Variants in SLC9A9 observed in about 807,000 individuals in gnomAD.
SLC9A9 encodes the protein sodium/hydrogen exchanger 9.
Under a neutral mutation model 77.8 loss-of-function variants are expected in SLC9A9, and 62 were observed. That is an observed-to-expected ratio of 0.80 (90% confidence interval 0.65 to 0.98). SLC9A9 has a LOEUF of 0.98. Ranked by LOEUF, SLC9A9 falls within the 50% of genes least tolerant of loss-of-function variation. The probability of loss-of-function intolerance (pLI) is 0.00; values close to 1 mark genes in which losing one functional copy is unlikely to be tolerated. For synonymous variants in SLC9A9, 320 were observed against 283.5 expected (o/e 1.13, Z -1.29); for missense variants, 775 against 774.9 (o/e 1.00, Z 0.00).
chr3:143,700,034 C>T (rs1179719780), intron 4 of SLC9A9, among the ~76,000 whole-genome samples: 1 of 151,878 alleles, frequency 6.6e-6, no homozygotes. Context: ...AGTTGTGAGG[C>T]CCCTTTCCCA....
intron 12 of SLC9A9, among the ~76,000 whole-genome samples, chr3:143,407,424 C>G (rs1421237245): frequency 6.6e-6 from 1 of 151,974 alleles, no homozygotes; most frequent in Non-Finnish European, 1.5e-5. Context: ...ATCTATGCAT[C>G]TGTAATACAA....
rs143670625 is a variant in SLC9A9, at chr3:143,472,057, C to G, written c.1316-4867G>C. On this transcript the variant is annotated intron_variant, in intron 11 of 15. Coordinates refer to ENST00000316549, the MANE Select transcript of SLC9A9 (RefSeq NM_173653.4). ...TAGGTGAAGGTCAGACATAACTAAA[C>G]TTAAATCACAGGAATATAAATATTT... Among the ~76,000 whole-genome samples, 230 of 152,288 alleles carry G rather than the reference C, an allele frequency of 1.5e-3. 1 individual carries two copies. Among genetic ancestry groups the G allele is most frequent in the African/African-American group, 5.5e-3 (228 of 41,560 alleles).
chr3:143,417,161 G>A (rs1329603726), intron 12 of SLC9A9, among the ~76,000 whole-genome samples: 1 of 152,102 alleles, frequency 6.6e-6, no homozygotes, highest in East Asian at 1.9e-4. Context: ...ATTGCTCAGG[G>A]GAGGAGTCTG....
At chr3:143,779,453 C>A (rs2007801410) in intron 4 of SLC9A9, among the ~76,000 whole-genome samples, 1 of 152,046 alleles carries the variant, frequency 6.6e-6, no homozygotes, top group South Asian at 2.1e-4. Flanking sequence ...CTCACTGCAA[C>A]CTCCTCCTCC....
At chr3:143,412,090 G>C (rs2034106405) in intron 12 of SLC9A9, among the ~76,000 whole-genome samples, 1 of 152,068 alleles carries the variant, frequency 6.6e-6, no homozygotes, top group South Asian at 2.1e-4. Flanking sequence ...GAGAGACATA[G>C]TCCCCTACTA....
intron 12 of SLC9A9, among the ~76,000 whole-genome samples, chr3:143,406,697 C>T (rs907946145): frequency 6.6e-5 from 10 of 151,980 alleles, no homozygotes; most frequent in Non-Finnish European, 1.3e-4. Flanking sequence ...CAAATTAGGC[C>T]GGGCATGGTG....
rs180723103 is a variant in SLC9A9 at position 143,447,116 on chromosome 3, C to A, written c.1469+19921G>T. Among the ~76,000 whole-genome samples, 9 of 152,234 alleles carry A rather than the reference C, an allele frequency of 5.9e-5. No homozygotes were observed. In the East Asian group the frequency reaches 1.7e-3, roughly 29 times the overall value. ...CTATTGCAAATATACTTGGAGGAAGCCGAAGTTATAAAGTTGTTATTTATT... is the reference window on the plus strand; with the variant it reads ...CTATTGCAAATATACTTGGAGGAAGACGAAGTTATAAAGTTGTTATTTATT... On this transcript the variant is annotated intron_variant, in intron 12 of 15. Transcript: ENST00000316549.
In SLC9A9 at chr3:143,542,962, A is replaced by T. The variant is rs140766568; in HGVS notation, c.1089+9400T>A. Among the ~76,000 whole-genome samples the T allele has an allele frequency of 2.1e-3, 324 of 152,336 alleles. 2 individuals are homozygous for T. Among genetic ancestry groups the T allele is most frequent in the African/African-American group, 7.2e-3 (300 of 41,580 alleles). On this transcript the variant is annotated intron_variant, in intron 9 of 15. Transcript: ENST00000316549. ...TGTTACATATGTACAGAGTTTACTA[A>T]AAAGAAGTGTGGTGAGTGTTAAGAC...
chr3:143,528,775 G>T (rs1256037780), intron 9 of SLC9A9, among the ~76,000 whole-genome samples: 1 of 150,192 alleles, frequency 6.7e-6, no homozygotes, highest in Non-Finnish European at 1.5e-5. Flanking sequence ...CTCATGCCTG[G>T]GTATTTTTGT....
chr3:143,338,267 CTG>C (rs1234348256), intron 14 of SLC9A9, among the ~76,000 whole-genome samples: 1 of 152,150 alleles, frequency 6.6e-6, no homozygotes, highest in African/African-American at 2.4e-5. Flanking sequence ...TAAAAATAAA[CTG>C]TGTTTTCTGT....
intron 11 of SLC9A9, among the ~76,000 whole-genome samples, chr3:143,478,936 G>T (rs537470570): frequency 4.7e-4 from 71 of 152,354 alleles, no homozygotes; most frequent in African/African-American, 1.6e-3. Context: ...TCAGATACTT[G>T]TGATATCTGT....
chr3:143,640,774 C>T (rs1225771869), intron 6 of SLC9A9, among the ~76,000 whole-genome samples: 1 of 152,152 alleles, frequency 6.6e-6, no homozygotes, highest in Non-Finnish European at 1.5e-5. Flanking sequence ...ATCCCTTGAA[C>T]CTGGGAGGTG....
chr3:143,527,534 A>C (rs2036426317), intron 9 of SLC9A9, among the ~76,000 whole-genome samples: 1 of 152,214 alleles, frequency 6.6e-6, no homozygotes, highest in African/African-American at 2.4e-5. Flanking sequence ...AAAATTTGTC[A>C]GGTCTCATAC....
chr3:143,656,484 C>T (rs2038890874), intron 5 of SLC9A9, among the ~76,000 whole-genome samples: 1 of 152,254 alleles, frequency 6.6e-6, no homozygotes, highest in South Asian at 2.1e-4. Flanking sequence ...TCTTGATGCC[C>T]TTTCAGAACT....
At chr3:143,606,138 G>T (rs1218387281) in intron 6 of SLC9A9, among the ~76,000 whole-genome samples, 1 of 118,592 alleles carries the variant, frequency 8.4e-6, no homozygotes, top group East Asian at 2.2e-4. Flanking sequence ...GGTGGCTCAG[G>T]TCTGTAATCC....
chr3:143,321,327 A>G (rs1003041985), intron 14 of SLC9A9, among the ~76,000 whole-genome samples: 4 of 152,238 alleles, frequency 2.6e-5, no homozygotes, highest in South Asian at 2.1e-4. Context: ...CAGCAGATTT[A>G]TCATAGTGGT....
chr3:143,786,196 C>A (rs573904447), intron 4 of SLC9A9, among the ~76,000 whole-genome samples: 1 of 152,256 alleles, frequency 6.6e-6, no homozygotes, highest in East Asian at 1.9e-4. Flanking sequence ...TATTTGGAAT[C>A]CTTAGGATAG....
At chr3:143,603,616 C>T (rs1222357624) in intron 6 of SLC9A9, among the ~76,000 whole-genome samples, 2 of 152,316 alleles carry the variant, frequency 1.3e-5, no homozygotes, top group African/African-American at 4.8e-5. Context: ...GTCAAGTCTT[C>T]AGAGGCTATA....
chr3:143,736,194 C>G (rs1391969267), intron 4 of SLC9A9, among the ~76,000 whole-genome samples: 1 of 152,182 alleles, frequency 6.6e-6, no homozygotes, highest in Non-Finnish European at 1.5e-5. Context: ...TCTACCTCCT[C>G]CTGACACTAA....
Sources: gnomAD v4.1 joint callset for allele counts (sites outside exome capture counted in the v4.1 genomes callset) on GRCh38, gnomAD v4.1.1 for gene constraint, MANE v1.5 for transcripts, NCBI Gene and HGNC (gene_info 2026-07-23, HGNC 2026-07-21) for gene names.